PATJ: variants seen among roughly 807,000 people sequenced by gnomAD.
The protein encoded by PATJ is PATJ crumbs cell polarity complex component.
Under a neutral mutation model 224.9 loss-of-function variants are expected in PATJ, and 190 were observed. The ratio of observed to expected loss-of-function variants is 0.84; its 90% confidence interval spans 0.75 to 0.95. The LOEUF is 0.95. Ranked by LOEUF, PATJ falls within the 40% of genes least tolerant of loss-of-function variation. The pLI, the probability that PATJ is intolerant of heterozygous loss-of-function variation, is 0.00. For synonymous variants in PATJ, 769 were observed against 820.3 expected (o/e 0.94, Z 1.07); for missense variants, 2,121 against 2,270.3 (o/e 0.93, Z 1.34).
intron 16 of PATJ, among the ~76,000 whole-genome samples, chr1:61,830,159 A>G (rs1451637949): frequency 6.6e-6 from 1 of 152,176 alleles, no homozygotes; most frequent in Non-Finnish European, 1.5e-5. Context: ...AAACAACTTC[A>G]GAAAGTTTCA....
intron 12 of PATJ, among the ~76,000 whole-genome samples, chr1:61,803,859 G>T (rs1653028436): frequency 6.6e-6 from 1 of 152,090 alleles, no homozygotes; most frequent in South Asian, 2.1e-4. Flanking sequence ...AGATCATCAT[G>T]TTATTCATTT....
At chr1:61,829,336 A>G (rs1248243870) in intron 16 of PATJ, among the ~76,000 whole-genome samples, 1 of 152,232 alleles carries the variant, frequency 6.6e-6, no homozygotes, top group Admixed American at 6.5e-5. Context: ...CAAGGAGGGT[A>G]CTCAAATGCC....
At chr1:62,045,144 C>A (rs1201688459) in intron 30 of PATJ, among the ~76,000 whole-genome samples, 1 of 152,044 alleles carries the variant, frequency 6.6e-6, no homozygotes, top group Non-Finnish European at 1.5e-5. Flanking sequence ...TCACTTGAAC[C>A]CAGGAGGCGG....
chr1:61,939,211 T>A (rs1459493712), intron 27 of PATJ, among the ~76,000 whole-genome samples: 1 of 151,040 alleles, frequency 6.6e-6, no homozygotes, highest in Non-Finnish European at 1.5e-5. Context: ...AAGGTATTTT[T>A]AAAATATAAC....
intron 21 of PATJ, among the ~76,000 whole-genome samples, chr1:61,877,631 A>G (rs139824105): frequency 1.3e-5 from 2 of 152,126 alleles, no homozygotes; most frequent in East Asian, 3.9e-4. Flanking sequence ...ATATGAAGAC[A>G]TGCGTGCTTC....
At chr1:62,116,243 T>C (rs903582773) in intron 35 of PATJ, among the ~76,000 whole-genome samples, 3 of 152,232 alleles carry the variant, frequency 2.0e-5, no homozygotes, top group Non-Finnish European at 4.4e-5. Flanking sequence ...CTTACAAGTA[T>C]TCATTGCTCA....
At chr1:62,061,906 G>T (rs187656164) in intron 31 of PATJ, among the ~76,000 whole-genome samples, 1 of 151,466 alleles carries the variant, frequency 6.6e-6, no homozygotes, top group Non-Finnish European at 1.5e-5. Flanking sequence ...TGATCCACCC[G>T]CCTCGGCCTC....
chr1:62,068,832 G>T (rs1188256512), intron 31 of PATJ, among the ~76,000 whole-genome samples: 1 of 152,142 alleles, frequency 6.6e-6, no homozygotes, highest in Admixed American at 6.5e-5. Context: ...GCATCATGCT[G>T]CCAGAATGTG....
At chr1:61,903,406 A>T (rs990029275) in intron 24 of PATJ, among the ~76,000 whole-genome samples, 1 of 152,214 alleles carries the variant, frequency 6.6e-6, no homozygotes, top group Non-Finnish European at 1.5e-5. Flanking sequence ...GATGGGCAAG[A>T]CTGTGGGAGG....
chr1:62,101,782 G>A (rs1005616163), intron 33 of PATJ, among the ~76,000 whole-genome samples: 1 of 152,158 alleles, frequency 6.6e-6, no homozygotes, highest in African/African-American at 2.4e-5. Flanking sequence ...CTCAAATCCT[G>A]TCTGACCCTT....
chr1:61,884,163 C>A, intron 21 of PATJ, 74 bp from the exon 22 acceptor site: 1 of 1,140,982 alleles, frequency 8.8e-7, no homozygotes, highest in Non-Finnish European at 1.2e-6. Flanking sequence ...AGTAGGTGCC[C>A]ATACCTAGTT....
At chr1:61,834,250 T>C (rs1659818174) in intron 17 of PATJ, among the ~76,000 whole-genome samples, 1 of 152,172 alleles carries the variant, frequency 6.6e-6, no homozygotes, top group African/African-American at 2.4e-5. Flanking sequence ...CAATTCATAC[T>C]CTCCTCTCCC....
intron 22 of PATJ, among the ~76,000 whole-genome samples, chr1:61,886,927 G>A (rs11578896): frequency 6.6e-6 from 1 of 151,310 alleles, no homozygotes; most frequent in East Asian, 1.9e-4. Flanking sequence ...GCAGCAATGA[G>A]CTATAATTGT....
intron 32 of PATJ, among the ~76,000 whole-genome samples, chr1:62,081,229 G>A (rs190073139): frequency 6.6e-6 from 1 of 152,224 alleles, no homozygotes; most frequent in Admixed American, 6.5e-5. Context: ...CAGAAATTCA[G>A]CATCCTTCCT....
chr1:61,749,397 A>T lies in PATJ; in HGVS notation c.-36+6842A>T, dbSNP rs146229974. ...TTGGCCTACAGAGCGGGTCCTAGGGATAAACCCTGAGTCTCTGATTTCAAA... is the reference window on the plus strand; with the variant it reads ...TTGGCCTACAGAGCGGGTCCTAGGGTTAAACCCTGAGTCTCTGATTTCAAA... On this transcript the variant is annotated intron_variant, in intron 1 of 43. Transcript: ENST00000642238. Among the ~76,000 whole-genome samples the T allele has an allele frequency of 4.6e-5, 7 of 152,236 alleles. No individual in the cohort carries two copies. In the East Asian group the frequency reaches 1.4e-3, roughly 29 times the overall value.
Position 62,079,455 on chromosome 1 carries a change from C to T in PATJ, c.4131C>T (p.Val1377=). The change falls in exon 32 of 44, where the codon GTC becomes GTT. Residue 1377 remains valine, a synonymous_variant. Coordinates refer to ENST00000642238, the MANE Select transcript of PATJ (RefSeq NM_001350145.3). ...LPESESFKLA[V]SQMKQQKYPT... ...AATTTTCCTTTCTTTTGTAGGCTGT[C>T]AGCCAGATGAAACAGCAAAAATATC... 1 of 1,601,544 alleles carries T rather than the reference C, an allele frequency of 6.2e-7. No individual in the cohort carries two copies. The highest frequency in any genetic ancestry group is 8.6e-7 in the Non-Finnish European group (1 of 1,169,072).
intron 41 of PATJ, among the ~76,000 whole-genome samples, chr1:62,143,305 T>C (rs546608016): frequency 6.6e-6 from 1 of 152,226 alleles, no homozygotes; most frequent in Non-Finnish European, 1.5e-5. Context: ...TGAGGAAAAC[T>C]AGAAGAAAAG....
chr1:62,054,548 A>G (rs1321471485), intron 31 of PATJ, among the ~76,000 whole-genome samples: 1 of 152,158 alleles, frequency 6.6e-6, no homozygotes, highest in Admixed American at 6.5e-5. Context: ...TAAAGGGGGA[A>G]ATAACTTTTT....
In PATJ at chr1:62,060,218, C is replaced by T. The variant is rs561960758; in HGVS notation, c.4125+9160C>T. ...CCTTCCCGTAATGAAAGCGTTAATA[C>T]TGTCGTCATCTCCATTTTGCAGCTG... is the stretch of plus-strand genomic sequence containing the variant. On this transcript the variant is annotated intron_variant, in intron 31 of 43. Transcript: ENST00000642238. Among the ~76,000 whole-genome samples the T allele has an allele frequency of 9.9e-5, 15 of 152,272 alleles. 1 individual carries two copies. The highest frequency in any genetic ancestry group is 3.6e-4 in the African/African-American group (15 of 41,546).
Sources: allele counts gnomAD v4.1 joint callset (sites outside exome capture counted in the v4.1 genomes callset), GRCh38; gene constraint gnomAD v4.1.1; transcripts MANE v1.5; gene names NCBI Gene and HGNC (gene_info 2026-07-23, HGNC 2026-07-21).